The following SDR42E2 variants were observed in gnomAD, a reference collection of about 807,000 sequenced individuals.
The protein encoded by SDR42E2 is putative short-chain dehydrogenase/reductase family 42E member 2.
In SDR42E2, 20 loss-of-function variants were observed where a neutral mutation model predicts 10.5. The observed-to-expected ratio is 1.90, with a 90% CI of 1.34 to 2.77. The LOEUF (loss-of-function observed/expected upper bound fraction) is 2.77. Among genes scored for constraint, SDR42E2 ranks in the 30% most tolerant of loss-of-function variants. SDR42E2 has a pLI of 0.00. For missense variants in SDR42E2, 162 were observed against 104.2 expected (o/e 1.55, Z -2.42); for synonymous variants, 72 against 39.2 (o/e 1.84, Z -3.12).
At position 22,170,843 on chromosome 16, in the gene SDR42E2, C is replaced by T. The variant is rs1419124360; in HGVS notation, c.405C>T (p.Arg135=). The change falls in exon 6 of 13, where the codon CGC becomes CGT. Residue 135 remains arginine, a synonymous_variant. Transcript: ENST00000602312. Reference sequence around the variant, plus strand: ...CACCTGCTGCTGCAGTCTGTGTTCGCCGGCGGGTTCCAAGGCTCATCTATA... The same window carrying T: ...CACCTGCTGCTGCAGTCTGTGTTCGTCGGCGGGTTCCAAGGCTCATCTATA... ...GTKLVIDVCV[R]RRVPRLIYTS... 2.8e-6 allele frequency: 2 copies of T among 702,854 alleles called. No homozygotes were observed. Among genetic ancestry groups the T allele is most frequent in the Non-Finnish European group, 5.2e-6 (2 of 385,002 alleles). The allele number at this position is 702,854 out of a possible 1,614,324, so 43.5% of individuals were successfully genotyped here.
At chr16:22,183,196 C>A (rs899724626) in intron 10 of SDR42E2, among the ~76,000 whole-genome samples, 6 of 152,028 alleles carry the variant, frequency 3.9e-5, no homozygotes, top group African/African-American at 1.2e-4. Flanking sequence ...GATCTCAGCT[C>A]ACTGCAACCT....
intron 1 of SDR42E2, 29 bp from the exon 2 acceptor site, chr16:22,165,518 C>CA (rs1343930117): frequency 5.0e-6 from 2 of 400,986 alleles, no homozygotes; most frequent in Non-Finnish European, 4.4e-6. Flanking sequence ...GATTCTAGAG[C>CA]ATTCTTTCTT....
In SDR42E2 at chr16:22,167,007, C is replaced by G. The variant is rs2046547410; in HGVS notation, c.336+8C>G. On this transcript the variant is annotated splice_region_variant and intron_variant, in intron 4 of 12. Coordinates refer to ENST00000602312, the MANE Select transcript of SDR42E2 (RefSeq NM_001394319.2). ...ATGTCCGGGGCTGAGAAGGTGGGCT[C>G]CTCACACACAACACCTGGAGTTAGA... The G allele has an allele frequency of 1.1e-5, 8 of 701,838 alleles. No homozygotes were observed. The highest frequency in any genetic ancestry group is 4.0e-5 in the Admixed American group (2 of 49,874). 43.5% of individuals were successfully genotyped at this position (701,838 alleles called of 1,614,324 possible).
rs557794321 is a variant in SDR42E2, at chr16:22,169,503, G to C, written c.394+1G>C. ...GGAGGCACCAAACTAGTGATTGATG[G>C]TAGGTGCTCAGAGCCGGGTATGACC... On this transcript the variant is annotated splice_donor_variant, in intron 5 of 12. Coordinates refer to ENST00000602312, the MANE Select transcript of SDR42E2 (RefSeq NM_001394319.2). LOFTEE classifies it high-confidence loss of function. 1.4e-6 allele frequency: 1 copy of C among 703,536 alleles called. No homozygotes were observed. The highest frequency in any genetic ancestry group is 2.7e-5 in the East Asian group (1 of 37,280). 43.6% of individuals were successfully genotyped at this position (703,536 alleles called of 1,614,324 possible).
chr16:22,188,148 C>T (rs1482532024), intron 12 of SDR42E2, among the ~76,000 whole-genome samples: 2 of 151,830 alleles, frequency 1.3e-5, no homozygotes, highest in Non-Finnish European at 2.9e-5. Flanking sequence ...GTCTCTGATG[C>T]CCTGCTAAGT....
intron 6 of SDR42E2, among the ~76,000 whole-genome samples, chr16:22,171,473 C>T (rs532785557): frequency 2.6e-4 from 40 of 152,054 alleles, no homozygotes; most frequent in African/African-American, 8.7e-4. Flanking sequence ...CTCTTGACCT[C>T]GTGATCTGCC....
At chr16:22,179,487 G>A (rs1280572093) in intron 8 of SDR42E2, among the ~76,000 whole-genome samples, 1 of 152,142 alleles carries the variant, frequency 6.6e-6, no homozygotes, top group African/African-American at 2.4e-5. Flanking sequence ...CTTCTCATAT[G>A]AAGAGACAGA....
intron 7 of SDR42E2, among the ~76,000 whole-genome samples, chr16:22,175,352 C>T (rs1428444842): frequency 4.6e-5 from 7 of 151,958 alleles, no homozygotes; most frequent in Admixed American, 2.6e-4. Context: ...CCCAGCTACT[C>T]GGGAGGCAGA....
Position 22,174,713 on chromosome 16 carries a change from C to T in SDR42E2, c.589+2382C>T, listed in dbSNP as rs190460019. On this transcript the variant is annotated intron_variant, in intron 7 of 12. Transcript: ENST00000602312. ...CCAGCCCAGTAGCCTGTACTCTAGA[C>T]ACCTAATCCTCCAGCCAAGAATTAT... is the stretch of plus-strand genomic sequence containing the variant. Among the ~76,000 whole-genome samples the T allele has an allele frequency of 2.0e-5, 3 of 152,230 alleles. No homozygotes were observed. In the East Asian group the frequency reaches 5.8e-4, roughly 29 times the overall value.
At chr16:22,182,345 AT>A (rs5816171) in intron 10 of SDR42E2, 68 bp downstream of exon 10, 3,196 of 324,378 alleles carry the variant, frequency 9.9e-3, no homozygotes, top group Non-Finnish European at 0.013. Context: ...CTTCCTTTTT[AT>A]TTTTTTTTTT....
At chr16:22,179,118 G>A (rs1190348120) in intron 8 of SDR42E2, among the ~76,000 whole-genome samples, 1 of 152,010 alleles carries the variant, frequency 6.6e-6, no homozygotes, top group Admixed American at 6.6e-5. Flanking sequence ...CTTCTGAGTA[G>A]GTGTGACTAT....
chr16:22,167,688 T>C (rs1278378742), intron 4 of SDR42E2, among the ~76,000 whole-genome samples: 3 of 152,188 alleles, frequency 2.0e-5, no homozygotes. Flanking sequence ...GCATTGTTTT[T>C]AATAACAAAA....
chr16:22,175,923 G>A (rs1403736637), intron 7 of SDR42E2, among the ~76,000 whole-genome samples: 2 of 151,914 alleles, frequency 1.3e-5, no homozygotes, highest in African/African-American at 2.4e-5. Context: ...AACCTGACAG[G>A]TAGAGGTTGC....
At chr16:22,188,881 A>G (rs543461840) in intron 12 of SDR42E2, among the ~76,000 whole-genome samples, 2 of 152,322 alleles carry the variant, frequency 1.3e-5, no homozygotes, top group East Asian at 3.9e-4. Context: ...GCAAGAAGAC[A>G]TAGTCCTTGC....
rs573019564 is a variant in SDR42E2 at position 22,179,301 on chromosome 16, CT to C, written c.672+1093del. On this transcript the variant is annotated intron_variant, in intron 8 of 12. Coordinates refer to ENST00000602312, the MANE Select transcript of SDR42E2 (RefSeq NM_001394319.2). ...ACTGGACCCAGCAATCATTTTTTTT[CT>C]TTTGAGTTAACTGGGTTCTTAAGGA... is the stretch of plus-strand genomic sequence containing the variant. Among the ~76,000 whole-genome samples the C allele has an allele frequency of 3.7e-3, 568 of 151,936 alleles. 7 individuals are homozygous for C. The highest frequency in any genetic ancestry group is 0.013 in the African/African-American group (540 of 41,506).
chr16:22,175,977 A>T (rs2046641630), intron 7 of SDR42E2, among the ~76,000 whole-genome samples: 1 of 151,768 alleles, frequency 6.6e-6, no homozygotes, highest in Admixed American at 6.6e-5. Flanking sequence ...TGCGCGACAG[A>T]GCAAGACTCT....
intron 10 of SDR42E2, among the ~76,000 whole-genome samples, chr16:22,183,223 A>C (rs1410829906): frequency 6.6e-6 from 1 of 151,994 alleles, no homozygotes; most frequent in African/African-American, 2.4e-5. Context: ...CCTGGGTTCA[A>C]GCGATTCTCC....
At chr16:22,185,511 C>G (rs1290964359) in intron 11 of SDR42E2, among the ~76,000 whole-genome samples, 5 of 152,174 alleles carry the variant, frequency 3.3e-5, no homozygotes, top group African/African-American at 1.2e-4. Context: ...CTGCACTGCA[C>G]AGTCACCTGG....
At chr16:22,164,713 G>A (rs984914099) in intron 1 of SDR42E2, among the ~76,000 whole-genome samples, 1 of 152,188 alleles carries the variant, frequency 6.6e-6, no homozygotes, top group African/African-American at 2.4e-5. Flanking sequence ...TCAGGGTGGA[G>A]ACAGGCACAG....
Sources: allele counts gnomAD v4.1 joint callset (sites outside exome capture counted in the v4.1 genomes callset), GRCh38; gene constraint gnomAD v4.1.1; transcripts MANE v1.5; gene names NCBI Gene and HGNC (gene_info 2026-07-23, HGNC 2026-07-21).